The following SRCIN1 variants were observed in gnomAD, a reference collection of about 807,000 sequenced individuals.
SRCIN1 encodes P130Cas-associated protein.
In SRCIN1, 50 loss-of-function variants were observed where a neutral mutation model predicts 116.2. The observed-to-expected ratio is 0.43, with a 90% CI of 0.34 to 0.54. The LOEUF (loss-of-function observed/expected upper bound fraction) is 0.54, where lower values mean the gene tolerates loss of function less well. Among genes scored for constraint, SRCIN1 ranks in the 20% least tolerant of loss-of-function variants. The pLI is 0.02. For missense variants in SRCIN1, 1,446 were observed against 1,672.0 expected (o/e 0.86, Z 2.36); for synonymous variants, 736 against 750.0 (o/e 0.98, Z 0.30).
In SRCIN1 at chr17:38,573,570, C is replaced by T. The variant is rs377479874; in HGVS notation, c.324+4920G>A. On this transcript the variant is annotated intron_variant, in intron 2 of 18. Transcript: ENST00000617146. ...TCCCAGATGTGGACAGGCCAAAATC[C>T]CCAGCTCCCCCAAGCCCCTGACTTG... Among the ~76,000 whole-genome samples the T allele has an allele frequency of 4.7e-4, 72 of 152,310 alleles. No individual in the cohort carries two copies. The South Asian group carries it at 0.015, about 31-fold the overall frequency.
rs781579326 is a variant in SRCIN1 at position 38,564,155 on chromosome 17, G to A, written c.504C>T (p.Leu168=). 6.3e-6 allele frequency: 10 copies of A among 1,599,458 alleles called. No homozygotes were observed. In the East Asian group the frequency reaches 2.0e-4, roughly 33 times the overall value. ...GCTTGGTCTGGCTGGCCGAGCGGGA[G>A]AGAGGCAGGCTCTGTCGGAAGCGGT... The part of the protein sequence containing the change: ...RMNRFRQSLP[L]SRSASQTKLR... The change falls in exon 4 of 19, where the codon CTC becomes CTT. Residue 168 remains leucine, a synonymous_variant. Coordinates refer to ENST00000617146, the MANE Select transcript of SRCIN1 (RefSeq NM_025248.3).
At chr17:38,551,497 C>T in intron 14 of SRCIN1, 108 bp from the exon 15 acceptor site, 1 of 980,224 alleles carries the variant, frequency 1.0e-6, no homozygotes, top group Non-Finnish European at 1.5e-6. Context: ...GAAAACGAAG[C>T]CTCATATTTG....
intron 18 of SRCIN1, chr17:38,542,006 G>A (rs1904777872): frequency 6.6e-6 from 1 of 151,924 alleles, no homozygotes. Flanking sequence ...GGAGGCTGGG[G>A]AGAGGATGCT....
Position 38,575,565 on chromosome 17 carries a change from G to T in SRCIN1, c.324+2925C>A, listed in dbSNP as rs139585863. On this transcript the variant is annotated intron_variant, in intron 2 of 18. Coordinates refer to ENST00000617146, the MANE Select transcript of SRCIN1 (RefSeq NM_025248.3). ...CGCCCGGCCTCATATCCAATTCTTGGCTGTCCCTCTGCACACTGGCAAGGA... is the reference window on the plus strand; with the variant it reads ...CGCCCGGCCTCATATCCAATTCTTGTCTGTCCCTCTGCACACTGGCAAGGA... Among the ~76,000 whole-genome samples, 9 of 152,212 alleles carry T rather than the reference G, an allele frequency of 5.9e-5. No homozygotes were observed. The East Asian group carries it at 1.7e-3, about 29-fold the overall frequency.
rs760597592 is a variant in SRCIN1, at chr17:38,549,192, CG to C, written c.2980del (p.Arg994AspfsTer26). 6.5e-7 allele frequency: 1 copy of C among 1,548,994 alleles called. No individual in the cohort carries two copies. The highest frequency in any genetic ancestry group is 8.7e-7 in the Non-Finnish European group (1 of 1,150,802). On this transcript the variant is annotated frameshift_variant, in exon 16 of 19. Coordinates refer to ENST00000617146, the MANE Select transcript of SRCIN1 (RefSeq NM_025248.3). LOFTEE classifies it high-confidence loss of function. The part of the protein sequence containing the change: ...RRGSDELTVP[R>X]YRTEKPSKSP... ...CTTGGAGGGCTTCTCTGTGCGGTAT[CG>C]GGGCACGGTCAACTCATCTGCAGGC...
chr17:38,601,568 C>G (rs773227952), intron 1 of SRCIN1, among the ~76,000 whole-genome samples: 10 of 151,790 alleles, frequency 6.6e-5, no homozygotes, highest in Non-Finnish European at 8.8e-5. Context: ...GAGGAAGAGC[C>G]CAATGTCAGG....
In SRCIN1 at chr17:38,564,302, T is replaced by G. The variant is rs1319098952; in HGVS notation, c.357A>C (p.Ser119=). Residue 119 remains serine, a synonymous_variant, in exon 4 of 19, where the codon TCA becomes TCC. Transcript: ENST00000617146. ...CGGGCTGGGCTCCCTGAGTGTGGCG[T>G]GAGCTGCGGGTCTGCAGGGGCCGGG... ...PNYWSFKTRS[S]RHTQGAQPGL... is the part of the protein sequence containing the mutation. 5.8e-6 allele frequency: 9 copies of G among 1,556,244 alleles called. No homozygotes were observed. In the East Asian group the frequency reaches 2.1e-4, roughly 37 times the overall value.
At chr17:38,538,608 G>C (rs1904540847) in intron 18 of SRCIN1, among the ~76,000 whole-genome samples, 1 of 152,064 alleles carries the variant, frequency 6.6e-6, no homozygotes, top group Non-Finnish European at 1.5e-5. Flanking sequence ...CAGGGTTCCT[G>C]TTCCTTGCAG....
Position 38,559,710 on chromosome 17 carries a change from C to T in SRCIN1, c.1900G>A (p.Ala634Thr). ...GGCTGACCTGCGGGGGTGCTGCTGG[C>T]CGAGGGCGGGGGCGGGCCGGACACC... ...TPVSGPPPPS[A>T]SSTPAGQPTA... The change falls in exon 10 of 19, where the codon GCC becomes ACC. Residue 634 changes from alanine to threonine, a missense_variant. Ala to Thr is a moderately conservative substitution (Grantham distance 58, BLOSUM62 0). Coordinates refer to ENST00000617146, the MANE Select transcript of SRCIN1 (RefSeq NM_025248.3). 1 of 1,582,006 alleles carries T rather than the reference C, an allele frequency of 6.3e-7. No homozygotes were observed. Among genetic ancestry groups the T allele is most frequent in the African/African-American group, 1.3e-5 (1 of 74,464 alleles).
Position 38,561,589 on chromosome 17 carries a change from C to T in SRCIN1, c.1574G>A (p.Gly525Glu). 1 of 1,597,390 alleles carries T rather than the reference C, an allele frequency of 6.3e-7. No individual in the cohort carries two copies. Among genetic ancestry groups the T allele is most frequent in the Non-Finnish European group, 8.5e-7 (1 of 1,172,560 alleles). Reference protein sequence around the residue: ...SSSVFAESPGGKTRSAGSAST... With the variant: ...SSSVFAESPGEKTRSAGSAST... ...GGCGCTCCCCGCGCTGCGGGTCTTC[C>T]CTCCAGGACTCTCGGCAAAGACGGA... Residue 525 changes from glycine (G) to glutamate (E), a missense_variant, in exon 7 of 19, where the codon GGG becomes GAG. This residue lies in a region of SRCIN1 where 398 missense variants were observed against 385.6 expected (regional missense o/e 1.03). Coordinates refer to ENST00000617146, the MANE Select transcript of SRCIN1 (RefSeq NM_025248.3).
intron 1 of SRCIN1, among the ~76,000 whole-genome samples, chr17:38,580,293 C>G (rs1234789743): frequency 3.9e-5 from 6 of 151,966 alleles, no homozygotes; most frequent in Non-Finnish European, 8.8e-5. Flanking sequence ...CACACACACA[C>G]ACATACACAC....
rs1906843047 is a variant in SRCIN1 at position 38,568,147 on chromosome 17, A to AGGCAGG, written c.345+58_345+63dup. 6.3e-7 allele frequency: 1 copy of AGGCAGG among 1,589,540 alleles called. No individual in the cohort carries two copies. Among genetic ancestry groups the AGGCAGG allele is most frequent in the Non-Finnish European group, 8.6e-7 (1 of 1,160,868 alleles). ...CCGGTGCAAAGCCTGTGCAAGGGAG[A>AGGCAGG]GGCAGGGGCAGGGGAGGGAGAGCAC... On this transcript the variant is annotated intron_variant, in intron 3 of 18. Coordinates refer to ENST00000617146, the MANE Select transcript of SRCIN1 (RefSeq NM_025248.3). The surrounding 1 kb of genome is among the most constrained non-coding windows in gnomAD (Gnocchi z 4.5).
At chr17:38,580,575 G>T (rs889338620) in intron 1 of SRCIN1, among the ~76,000 whole-genome samples, 1 of 152,172 alleles carries the variant, frequency 6.6e-6, no homozygotes, top group African/African-American at 2.4e-5. Context: ...AATGGAAGAG[G>T]CCTGATTTGA....
intron 1 of SRCIN1, among the ~76,000 whole-genome samples, chr17:38,603,649 C>G (rs1017582330): frequency 6.6e-6 from 1 of 152,088 alleles, no homozygotes; most frequent in African/African-American, 2.4e-5. Flanking sequence ...CCTCTTGTCC[C>G]CAAGGCAGGG....
At chr17:38,560,156 T>G in intron 8 of SRCIN1, 59 bp from the exon 9 acceptor site, 1 of 1,474,162 alleles carries the variant, frequency 6.8e-7, no homozygotes, top group South Asian at 1.3e-5. Context: ...CCTTCAGAGC[T>G]GGGTGGAACC....
chr17:38,589,048 C>CG, intron 1 of SRCIN1, among the ~76,000 whole-genome samples: 2 of 152,356 alleles, frequency 1.3e-5, no homozygotes, highest in East Asian at 3.9e-4. Flanking sequence ...CATGCTTCTA[C>CG]GTCAAACCTG....
chr17:38,573,615 G>A (rs1337838740), intron 2 of SRCIN1, among the ~76,000 whole-genome samples: 1 of 152,170 alleles, frequency 6.6e-6, no homozygotes, highest in Non-Finnish European at 1.5e-5. Flanking sequence ...AGCTCACCCA[G>A]TCCAGCCTCA....
In SRCIN1 at chr17:38,572,162, G is replaced by A. The variant is rs1907117558; in HGVS notation, c.325-3931C>T. On this transcript the variant is annotated intron_variant, in intron 2 of 18. Transcript: ENST00000617146. This position sits in a 1 kb window ranked among gnomAD's most constrained non-coding sequence, Gnocchi z 4.3. ...TCCACACCGGCTCCTTAATCCCCTG[G>A]CTGTGCTGCACCGGTGCACACACCC... Among the ~76,000 whole-genome samples, 1 of 152,164 alleles carries A rather than the reference G, an allele frequency of 6.6e-6. No individual in the cohort carries two copies. Among genetic ancestry groups the A allele is most frequent in the South Asian group, 2.1e-4 (1 of 4,832 alleles).
Position 38,569,901 on chromosome 17 carries a change from C to T in SRCIN1, c.325-1670G>A, listed in dbSNP as rs141021654. Among the ~76,000 whole-genome samples, 18 of 152,160 alleles carry T rather than the reference C, an allele frequency of 1.2e-4. No individual in the cohort carries two copies. The East Asian group carries it at 2.9e-3, about 25-fold the overall frequency. On this transcript the variant is annotated intron_variant, in intron 2 of 18. Coordinates refer to ENST00000617146, the MANE Select transcript of SRCIN1 (RefSeq NM_025248.3). The stretch of plus-strand genomic sequence containing the variant: ...GGAGGGGTAGCAGAGGGAGTGGACA[C>T]GTGGGGGCAGGCAGAGGACACCGGA...
Sources: gnomAD v4.1 joint callset for allele counts (sites outside exome capture counted in the v4.1 genomes callset) on GRCh38, gnomAD v4.1.1 for gene constraint, gnomAD v4.1.1 regional missense constraint, Gnocchi (gnomAD v3.1) non-coding constraint, MANE v1.5 for transcripts, NCBI Gene and HGNC (gene_info 2026-07-23, HGNC 2026-07-21) for gene names.